Variants in FNDC3A observed in about 807,000 individuals in gnomAD.
FNDC3A encodes the protein fibronectin type-III domain-containing protein 3A.
FNDC3A carries 32 observed loss-of-function variants against 148.9 expected under a neutral mutation model. The ratio of observed to expected loss-of-function variants is 0.21; its 90% CI spans 0.16 to 0.29. The LOEUF (loss-of-function observed/expected upper bound fraction) is 0.29, where lower values mean the gene tolerates loss of function less well. FNDC3A is among the 10% of genes least tolerant of loss of function. The probability of loss-of-function intolerance (pLI) is 1.00; values close to 1 mark genes in which losing one functional copy is unlikely to be tolerated. For missense variants in FNDC3A, 1,191 were observed against 1,452.8 expected, an observed-to-expected ratio of 0.82 and a Z score of 2.93; for synonymous variants, 472 against 473.6, an observed-to-expected ratio of 1.00 and a Z score of 0.04.
chr13:49,027,682 T>C (rs1873818478), intron 2 of FNDC3A, among the ~76,000 whole-genome samples: 1 of 151,584 alleles, frequency 6.6e-6, no homozygotes, highest in South Asian at 2.1e-4. Flanking sequence ...GGGCATCTAC[T>C]AAGAAAAAAT....
chr13:49,171,140 C>T (rs1027955923), intron 10 of FNDC3A, among the ~76,000 whole-genome samples: 1 of 152,016 alleles, frequency 6.6e-6, no homozygotes, highest in Non-Finnish European at 1.5e-5. Flanking sequence ...GCCATGCTAA[C>T]CAGTTTAAAA....
chr13:48,996,380 G>A (rs1593449776), intron 1 of FNDC3A, among the ~76,000 whole-genome samples: 1 of 152,216 alleles, frequency 6.6e-6, no homozygotes, highest in Middle Eastern at 3.4e-3. Flanking sequence ...CACATCCATG[G>A]AGTCAATCAA....
chr13:49,138,895 T>G (rs1882534220), intron 7 of FNDC3A, 90 bp downstream of exon 7: 2 of 691,288 alleles, frequency 2.9e-6, no homozygotes, highest in Non-Finnish European at 4.8e-6. Context: ...TTCTTTTAAC[T>G]TTTTATGAAA....
rs771849342 is a variant in FNDC3A at position 49,145,766 on chromosome 13, G to GT, written c.820-11dup. The GT allele has an allele frequency of 6.0e-4, 965 of 1,612,108 alleles. No homozygotes were observed. The highest frequency in any genetic ancestry group is 7.9e-4 in the Non-Finnish European group (934 of 1,178,852). On this transcript the variant is annotated splice_polypyrimidine_tract_variant and intron_variant, in intron 7 of 25. Transcript: ENST00000492622. ...TTGTTTTAAAGAACTTTTAAATGTTGTATTTTTACAGGCCTCCGACATCCA... is the reference window on the plus strand; with the variant it reads ...TTGTTTTAAAGAACTTTTAAATGTTGTTATTTTTACAGGCCTCCGACATCCA...
At chr13:49,198,712 G>A in intron 23 of FNDC3A, 138 bp downstream of exon 23, 1 of 686,510 alleles carries the variant, frequency 1.5e-6, no homozygotes. Context: ...CAGGCGAATT[G>A]CTTGAGCCCA....
At chr13:49,021,339 C>T (rs1873310962) in intron 2 of FNDC3A, among the ~76,000 whole-genome samples, 1 of 152,192 alleles carries the variant, frequency 6.6e-6, no homozygotes, top group Non-Finnish European at 1.5e-5. Context: ...GATTGTTTTA[C>T]ACATGCTCCC....
intron 2 of FNDC3A, among the ~76,000 whole-genome samples, chr13:49,008,681 T>G (rs1348733042): frequency 6.6e-6 from 1 of 152,168 alleles, no homozygotes; most frequent in Non-Finnish European, 1.5e-5. Flanking sequence ...ACGCAGTGGG[T>G]CTTTGGCTTG....
chr13:49,172,019 T>C (rs774291586), intron 10 of FNDC3A, 24 bp from the exon 11 acceptor site: 1 of 1,568,880 alleles, frequency 6.4e-7, no homozygotes, highest in Non-Finnish European at 8.7e-7. Flanking sequence ...TTGTTTTCAT[T>C]TTGTTTTTTG....
Position 49,168,731 on chromosome 13 carries a change from T to A in FNDC3A, c.1156T>A (p.Ser386Thr). 6.2e-7 allele frequency: 1 copy of A among 1,613,670 alleles called. No individual in the cohort carries two copies. Among genetic ancestry groups the A allele is most frequent in the South Asian group, 1.1e-5 (1 of 91,042 alleles). Residue 386 changes from serine to threonine, a missense_variant, in exon 10 of 26, where the codon TCA becomes ACA. Ser to Thr is a moderately conservative substitution (Grantham distance 58, BLOSUM62 1). Coordinates refer to ENST00000492622, the MANE Select transcript of FNDC3A (RefSeq NM_001079673.2). The part of the protein sequence containing the change: ...PPRIANRTKN[S>T]LTLQWKAPSD... ...AAGGATAGCCAATCGGACCAAAAAT[T>A]CACTCACTTTGCAATGGAAGGTAAG...
At chr13:49,108,124 G>A (rs987937660) in intron 3 of FNDC3A, among the ~76,000 whole-genome samples, 14 of 152,162 alleles carry the variant, frequency 9.2e-5, no homozygotes, top group Non-Finnish European at 1.0e-4. Context: ...TAAGTAATAA[G>A]TTCCAGGATG....
At chr13:49,093,491 G>A (rs150626442) in intron 3 of FNDC3A, among the ~76,000 whole-genome samples, 70 of 152,274 alleles carry the variant, frequency 4.6e-4, no homozygotes, top group African/African-American at 1.6e-3. Flanking sequence ...AGTCCTCCCA[G>A]CAACCCTTTC....
intron 3 of FNDC3A, chr13:49,110,248 G>A: frequency 9.1e-7 from 1 of 1,096,100 alleles, no homozygotes; most frequent in South Asian, 1.9e-5. Flanking sequence ...TGCAGGTCAC[G>A]TGATGACTGT....
intron 1 of FNDC3A, among the ~76,000 whole-genome samples, chr13:48,986,397 T>TG (rs1417043925): frequency 2.6e-5 from 3 of 116,862 alleles, no homozygotes; most frequent in East Asian, 2.5e-4. Flanking sequence ...TTTTTTTTTT[T>TG]TTTTTTTTTT....
At chr13:48,990,290 G>A (rs559666121) in intron 1 of FNDC3A, among the ~76,000 whole-genome samples, 84 of 151,844 alleles carry the variant, frequency 5.5e-4, no homozygotes, top group Non-Finnish European at 1.1e-3. Flanking sequence ...TGAACTAAAA[G>A]ACATGTTAAA....
At chr13:48,989,543 A>G (rs917481114) in intron 1 of FNDC3A, among the ~76,000 whole-genome samples, 2 of 152,248 alleles carry the variant, frequency 1.3e-5, no homozygotes, top group African/African-American at 4.8e-5. Flanking sequence ...CAAAGAAAAG[A>G]TAAGTGTACA....
chr13:49,126,429 C>G (rs1327270368), intron 4 of FNDC3A, among the ~76,000 whole-genome samples: 1 of 152,168 alleles, frequency 6.6e-6, no homozygotes, highest in Admixed American at 6.5e-5. Context: ...AACTGAAGCT[C>G]TGAACCTGTT....
At chr13:49,205,682 A>G (rs2138146719) in intron 25 of FNDC3A, among the ~76,000 whole-genome samples, 1 of 152,304 alleles carries the variant, frequency 6.6e-6, no homozygotes, top group East Asian at 1.9e-4. Flanking sequence ...AACATGGATC[A>G]TTTCTACATT....
chr13:49,008,598 A>G (rs1393054646), intron 2 of FNDC3A, among the ~76,000 whole-genome samples: 1 of 152,164 alleles, frequency 6.6e-6, no homozygotes, highest in African/African-American at 2.4e-5. Flanking sequence ...ATAGTTGGCT[A>G]TTAAGATTAT....
chr13:49,110,237 C>G, intron 3 of FNDC3A: 2 of 908,576 alleles, frequency 2.2e-6, no homozygotes, highest in South Asian at 2.4e-5. Context: ...TCCTGGGTCA[C>G]TGCAGGTCAC....
Sources: allele counts gnomAD v4.1 joint callset (sites outside exome capture counted in the v4.1 genomes callset), GRCh38; gene constraint gnomAD v4.1.1; transcripts MANE v1.5; gene names NCBI Gene and HGNC (gene_info 2026-07-23, HGNC 2026-07-21).